PTK2B: variants seen among roughly 807,000 people sequenced by gnomAD.
PTK2B encodes the protein protein tyrosine kinase 2 beta.
Under a neutral mutation model 142.9 loss-of-function variants are expected in PTK2B, and 71 were observed. The observed-to-expected ratio is 0.50, with a 90% CI of 0.41 to 0.61. The LOEUF (loss-of-function observed/expected upper bound fraction) is 0.61. PTK2B is among the 20% of genes least tolerant of loss of function. The pLI, the probability that PTK2B is intolerant of heterozygous loss-of-function variation, is 0.00. For missense variants in PTK2B, 1,105 were observed against 1,320.4 expected (o/e 0.84, Z 2.53); for synonymous variants, 519 against 503.4 (o/e 1.03, Z -0.42).
intron 27 of PTK2B, 92 bp from the exon 28 acceptor site, chr8:27,453,022 G>A: frequency 6.9e-7 from 1 of 1,452,348 alleles, no homozygotes; most frequent in Non-Finnish European, 9.6e-7. Context: ...CCTGGTGGTA[G>A]AGGGGAAGGG....
upstream of PTK2B, chr8:27,311,464 G>A: frequency 1.7e-6 from 1 of 596,928 alleles, no homozygotes; most frequent in Non-Finnish European, 2.8e-6. Context: ...TTGGGAGAGC[G>A]GGGTGGGCCT....
intron 1 of PTK2B, among the ~76,000 whole-genome samples, chr8:27,370,792 G>A (rs2130918706): frequency 6.6e-6 from 1 of 152,322 alleles, no homozygotes; most frequent in South Asian, 2.1e-4. Context: ...TTACCTGAAA[G>A]CAACTCTATG....
At chr8:27,404,668 C>G (rs1395701794) in intron 2 of PTK2B, among the ~76,000 whole-genome samples, 2 of 152,332 alleles carry the variant, frequency 1.3e-5, no homozygotes, top group East Asian at 3.9e-4. Flanking sequence ...AGTGATCATA[C>G]AATCCCTTCC....
intron 2 of PTK2B, among the ~76,000 whole-genome samples, chr8:27,417,957 C>T (rs1291826513): frequency 4.6e-5 from 7 of 152,086 alleles, no homozygotes; most frequent in Non-Finnish European, 8.8e-5. Context: ...AGGTCAGGGA[C>T]AGGAGAAATG....
intron 1 of PTK2B, among the ~76,000 whole-genome samples, chr8:27,384,423 A>T (rs1396352501): frequency 6.6e-6 from 1 of 152,176 alleles, no homozygotes; most frequent in Non-Finnish European, 1.5e-5. Flanking sequence ...TTTTTGGTGG[A>T]GTCTTTAGGT....
intron 1 of PTK2B, among the ~76,000 whole-genome samples, chr8:27,341,098 G>T (rs1214653041): frequency 6.6e-6 from 1 of 152,164 alleles, no homozygotes; most frequent in Non-Finnish European, 1.5e-5. Flanking sequence ...CACAGAGGAT[G>T]TTCAGGAGTA....
chr8:27,362,818 G>A (rs980070709), intron 1 of PTK2B, among the ~76,000 whole-genome samples: 7 of 151,176 alleles, frequency 4.6e-5, no homozygotes, highest in Admixed American at 1.3e-4. Context: ...TCTCCCACAC[G>A]AAATCTAGAA....
chr8:27,353,005 G>A (rs1393993002), intron 1 of PTK2B, among the ~76,000 whole-genome samples: 2 of 152,184 alleles, frequency 1.3e-5, no homozygotes, highest in African/African-American at 4.8e-5. Flanking sequence ...ACAAAGGATT[G>A]AATAAAGAGT....
At position 27,458,531 on chromosome 8, in the gene PTK2B, C is replaced by G. The variant is rs774868529; in HGVS notation, c.*22C>G. 1.4e-5 allele frequency: 22 copies of G among 1,549,190 alleles called. No individual in the cohort carries two copies. The African/African-American group carries it at 2.7e-4, about 19-fold the overall frequency. On this transcript the variant is annotated 3_prime_UTR_variant, in exon 31 of 31. Transcript: ENST00000346049. Reference sequence around the variant, plus strand: ...GTGACGGAGGGTGGGGGCCACCTGCCTGCGTCTTCCGCCCCTGCCTGCCAT... The same window carrying G: ...GTGACGGAGGGTGGGGGCCACCTGCGTGCGTCTTCCGCCCCTGCCTGCCAT...
intron 1 of PTK2B, among the ~76,000 whole-genome samples, chr8:27,388,006 C>T (rs1807476898): frequency 6.6e-6 from 1 of 152,196 alleles, no homozygotes; most frequent in Non-Finnish European, 1.5e-5. Context: ...TAACCACAAG[C>T]TCCTTCATAC....
intron 2 of PTK2B, among the ~76,000 whole-genome samples, chr8:27,402,627 C>G (rs1227903274): frequency 2.6e-5 from 4 of 152,150 alleles, no homozygotes; most frequent in Non-Finnish European, 4.4e-5. Context: ...ATTAGCATAT[C>G]CCAAAACACA....
chr8:27,350,608 C>T (rs1200959035), intron 1 of PTK2B, among the ~76,000 whole-genome samples: 3 of 152,040 alleles, frequency 2.0e-5, no homozygotes, highest in African/African-American at 7.2e-5. Flanking sequence ...ACTCCTGCTT[C>T]GTAATAAAGT....
At chr8:27,366,593 G>A (rs1271185160) in intron 1 of PTK2B, among the ~76,000 whole-genome samples, 1 of 152,202 alleles carries the variant, frequency 6.6e-6, no homozygotes, top group African/African-American at 2.4e-5. Flanking sequence ...CTTACCACTT[G>A]GCGTCTAGCT....
upstream of PTK2B, chr8:27,310,936 GAC>G: frequency 6.2e-7 from 1 of 1,612,690 alleles, no homozygotes. Context: ...GCAGGCGGCA[GAC>G]ACGCGAGAAG....
At chr8:27,318,294 G>A (rs1234652923) in intron 3 of PTK2B, among the ~76,000 whole-genome samples, 1 of 152,176 alleles carries the variant, frequency 6.6e-6, no homozygotes, top group Non-Finnish European at 1.5e-5. Context: ...GCTGGGACCA[G>A]ATCACCACGT....
At chr8:27,319,556 A>G (rs1803165233) in intron 3 of PTK2B, among the ~76,000 whole-genome samples, 1 of 148,836 alleles carries the variant, frequency 6.7e-6, no homozygotes, top group African/African-American at 2.5e-5. Flanking sequence ...AGACAGGAGA[A>G]TGGCATGAAC....
chr8:27,437,653 G>T, intron 17 of PTK2B, 112 bp from the exon 18 acceptor site: 2 of 1,267,684 alleles, frequency 1.6e-6, no homozygotes, highest in Non-Finnish European at 2.2e-6. Context: ...GCCAGCTTTG[G>T]GTTTGTCTCC....
Position 27,433,528 on chromosome 8 carries a change from T to C in PTK2B, c.1081T>C (p.Ser361Pro), listed in dbSNP as rs1381134165. 1 of 1,613,942 alleles carries C rather than the reference T, an allele frequency of 6.2e-7. No homozygotes were observed. Among genetic ancestry groups the C allele is most frequent in the Admixed American group, 1.7e-5 (1 of 60,024 alleles). ...YCRLQGEHQG[S>P]LIIHPRKDGE... ...CCGGCTGCAGGGTGAGCACCAAGGCTCTCTCATCATCCATCCTAGGAAAGG... is the reference window on the plus strand; with the variant it reads ...CCGGCTGCAGGGTGAGCACCAAGGCCCTCTCATCATCCATCCTAGGAAAGG... The change falls in exon 11 of 31, where the codon TCT becomes CCT. Residue 361 changes from serine (S) to proline (P), a missense_variant. By Grantham distance (74) the Ser-to-Pro change is moderately conservative (BLOSUM62 -1). Coordinates refer to ENST00000346049, the MANE Select transcript of PTK2B (RefSeq NM_173176.3).
At chr8:27,336,642 C>T (rs1481892509) in intron 1 of PTK2B, among the ~76,000 whole-genome samples, 1 of 152,238 alleles carries the variant, frequency 6.6e-6, no homozygotes, top group Non-Finnish European at 1.5e-5. Flanking sequence ...AATACATTAA[C>T]TTAAATACTG....
Sources: allele counts gnomAD v4.1 joint callset (sites outside exome capture counted in the v4.1 genomes callset), GRCh38; gene constraint gnomAD v4.1.1; transcripts MANE v1.5; gene names NCBI Gene and HGNC (gene_info 2026-07-23, HGNC 2026-07-21).